Variants in PIBF1 observed in about 807,000 individuals in gnomAD.
The protein encoded by PIBF1 is progesterone-induced-blocking factor 1.
In PIBF1, 90 loss-of-function variants were observed where a neutral mutation model predicts 112.5. That is an observed-to-expected ratio of 0.80 (90% CI 0.67 to 0.95). The LOEUF is 0.95. Ranked by LOEUF, PIBF1 falls within the 40% of genes least tolerant of loss-of-function variation. PIBF1 has a pLI of 0.00. For missense variants in PIBF1, 915 were observed against 852.3 expected (o/e 1.07, Z -0.92); for synonymous variants, 301 against 288.6 (o/e 1.04, Z -0.44).
chr13:72,875,085 A>C (rs1315761423), intron 10 of PIBF1, among the ~76,000 whole-genome samples: 3 of 152,240 alleles, frequency 2.0e-5, no homozygotes, highest in African/African-American at 7.2e-5. Context: ...AGTATCATTC[A>C]GAATAGTTTC....
intron 17 of PIBF1, among the ~76,000 whole-genome samples, chr13:73,013,319 A>G (rs7320628): frequency 0.6 from 77,953 of 130,414 alleles, 25,655 homozygotes; most frequent in East Asian, 0.83. Flanking sequence ...AAAAAAAAAA[A>G]AAAAAAAGAA....
chr13:72,917,269 C>A, intron 13 of PIBF1, 103 bp downstream of exon 13: 1 of 510,594 alleles, frequency 2.0e-6, no homozygotes, highest in Non-Finnish European at 3.4e-6. Flanking sequence ...GTCCTTTATT[C>A]TTACTCTGCA....
At chr13:72,819,007 G>A (rs529675792) in intron 5 of PIBF1, among the ~76,000 whole-genome samples, 10 of 152,126 alleles carry the variant, frequency 6.6e-5, no homozygotes, top group South Asian at 4.2e-4. Flanking sequence ...AGAGAAAATG[G>A]AAATCTTCAG....
chr13:72,809,623 G>A (rs1388441857), intron 5 of PIBF1, among the ~76,000 whole-genome samples: 3 of 75,288 alleles, frequency 4.0e-5, no homozygotes, highest in Non-Finnish European at 4.8e-5. Flanking sequence ...ATGGAGTTTT[G>A]CTCTTGCCCA....
At chr13:72,896,279 G>A (rs1319092136) in intron 11 of PIBF1, among the ~76,000 whole-genome samples, 1 of 152,130 alleles carries the variant, frequency 6.6e-6, no homozygotes, top group Non-Finnish European at 1.5e-5. Context: ...GGAACACTTC[G>A]TGAGGAACAA....
At chr13:72,900,965 T>C in intron 11 of PIBF1, 1 of 335,138 alleles carries the variant, frequency 3.0e-6, no homozygotes, top group Non-Finnish European at 5.9e-6. Context: ...TACATTGCAG[T>C]GAACCGAGAT....
chr13:72,908,790 T>C, intron 12 of PIBF1, 109 bp downstream of exon 12: 2 of 978,388 alleles, frequency 2.0e-6, no homozygotes, highest in Non-Finnish European at 2.9e-6. Context: ...GGCTCATGCC[T>C]GTAATCTTAG....
chr13:72,892,974 A>C (rs1192402778), intron 10 of PIBF1, among the ~76,000 whole-genome samples: 2 of 152,176 alleles, frequency 1.3e-5, no homozygotes, highest in Admixed American at 1.3e-4. Flanking sequence ...ACAATATTTT[A>C]TCTACCAATG....
chr13:72,795,481 T>G lies in PIBF1; in HGVS notation c.476T>G (p.Phe159Cys). 1 of 1,610,306 alleles carries G rather than the reference T, an allele frequency of 6.2e-7. No homozygotes were observed. The highest frequency in any genetic ancestry group is 8.5e-7 in the Non-Finnish European group (1 of 1,178,554). ...AGDVRRNLRD[F>C]ELTEEQYIKL... ...GATGTTCGTCGAAACCTGCGTGACT[T>G]TGAGTTGACAGAAGAGCAATATATT... The change falls in exon 4 of 18, where the codon TTT becomes TGT. Residue 159 changes from phenylalanine to cysteine, a missense_variant. Coordinates refer to ENST00000326291, the MANE Select transcript of PIBF1 (RefSeq NM_006346.4).
intron 10 of PIBF1, among the ~76,000 whole-genome samples, chr13:72,891,472 T>C (rs910743005): frequency 6.8e-6 from 1 of 147,902 alleles, no homozygotes; most frequent in Non-Finnish European, 1.5e-5. Context: ...TGTCATAAAA[T>C]GTTGAATTAA....
intron 14 of PIBF1, among the ~76,000 whole-genome samples, chr13:72,948,179 C>T (rs1030627646): frequency 6.6e-6 from 1 of 151,940 alleles, no homozygotes; most frequent in Non-Finnish European, 1.5e-5. Flanking sequence ...ACCTGTGTAA[C>T]AAACCTGCAC....
At chr13:72,889,135 T>G (rs2138543678) in intron 10 of PIBF1, among the ~76,000 whole-genome samples, 1 of 152,320 alleles carries the variant, frequency 6.6e-6, no homozygotes, top group South Asian at 2.1e-4. Context: ...TTTATAGAAT[T>G]GAAAATAAAT....
intron 10 of PIBF1, among the ~76,000 whole-genome samples, chr13:72,870,905 C>G (rs932323905): frequency 6.6e-6 from 1 of 151,176 alleles, no homozygotes; most frequent in Non-Finnish European, 1.5e-5. Context: ...TAGACAGTTT[C>G]ATTTTTTGGT....
intron 5 of PIBF1, among the ~76,000 whole-genome samples, chr13:72,812,867 G>A (rs1038085871): frequency 2.6e-5 from 4 of 151,938 alleles, no homozygotes; most frequent in Admixed American, 1.3e-4. Flanking sequence ...GCTTGAGCCC[G>A]GGGTAGGGGT....
At chr13:72,897,208 A>T (rs1323610539) in intron 11 of PIBF1, among the ~76,000 whole-genome samples, 1 of 152,230 alleles carries the variant, frequency 6.6e-6, no homozygotes, top group East Asian at 1.9e-4. Context: ...ACTAAGCATC[A>T]TAAATAAAGG....
chr13:72,857,581 G>A (rs193206734), intron 10 of PIBF1, among the ~76,000 whole-genome samples: 2 of 152,352 alleles, frequency 1.3e-5, no homozygotes, highest in East Asian at 1.9e-4. Context: ...GCTCATGCCT[G>A]TAATCCCAAC....
chr13:72,907,779 G>A (rs903801176), intron 11 of PIBF1, among the ~76,000 whole-genome samples: 1 of 151,842 alleles, frequency 6.6e-6, no homozygotes, highest in Non-Finnish European at 1.5e-5. Context: ...AAATAAGTAA[G>A]CATTCTAGAT....
At chr13:72,870,948 C>T (rs1387439597) in intron 10 of PIBF1, among the ~76,000 whole-genome samples, 1 of 151,930 alleles carries the variant, frequency 6.6e-6, no homozygotes, top group African/African-American at 2.4e-5. Flanking sequence ...TTATTTACTT[C>T]AGTGTGCAGT....
At chr13:72,971,916 G>A (rs1280985366) in intron 15 of PIBF1, among the ~76,000 whole-genome samples, 1 of 149,284 alleles carries the variant, frequency 6.7e-6, no homozygotes, top group African/African-American at 2.5e-5. Flanking sequence ...CTTTGAATTA[G>A]CAGTTGCTGC....
Sources: allele counts gnomAD v4.1 joint callset (sites outside exome capture counted in the v4.1 genomes callset), GRCh38; gene constraint gnomAD v4.1.1; transcripts MANE v1.5; gene names NCBI Gene and HGNC (gene_info 2026-07-23, HGNC 2026-07-21).